GAK: variants seen among roughly 807,000 people sequenced by gnomAD.
GAK encodes cyclin G associated kinase, also known as cyclin-G-associated kinase.
In GAK, 79 loss-of-function variants were observed where a neutral mutation model predicts 143.9. The observed-to-expected ratio is 0.55, with a 90% confidence interval of 0.46 to 0.66. The LOEUF is 0.66. Ranked by LOEUF, GAK falls within the 30% of genes least tolerant of loss-of-function variation. The pLI is 0.00. For missense variants in GAK, 1,693 were observed against 1,779.7 expected (o/e 0.95, Z 0.88); for synonymous variants, 881 against 765.5 (o/e 1.15, Z -2.49).
In GAK at chr4:858,504, C is replaced by A. The variant is rs567942062; in HGVS notation, c.3283+1102G>T. The stretch of plus-strand genomic sequence containing the variant: ...CCTCCCGAGGGCACGGCCCTCGCAA[C>A]CCCACCGTGCTCTCAGACAACACAA... On this transcript the variant is annotated intron_variant, in intron 24 of 27. Coordinates refer to ENST00000314167, the MANE Select transcript of GAK (RefSeq NM_005255.4). Among the ~76,000 whole-genome samples, 7 of 152,340 alleles carry A rather than the reference C, an allele frequency of 4.6e-5. No individual in the cohort carries two copies. The South Asian group carries it at 1.4e-3, about 32-fold the overall frequency.
rs767575711 is a variant in GAK, at chr4:904,796, C to G, written c.383-17G>C. 1.8e-5 allele frequency: 29 copies of G among 1,612,360 alleles called. No homozygotes were observed. Among genetic ancestry groups the G allele is most frequent in the Middle Eastern group, 3.3e-4 (2 of 6,078 alleles). On this transcript the variant is annotated splice_polypyrimidine_tract_variant and intron_variant, in intron 4 of 27. Transcript: ENST00000314167. ...CCAGCTGCCCTAAAAGAGAATGAAACTCACATGGAGGCAGGAGAACAGGGT... is the reference window on the plus strand; with the variant it reads ...CCAGCTGCCCTAAAAGAGAATGAAAGTCACATGGAGGCAGGAGAACAGGGT...
intron 15 of GAK, among the ~76,000 whole-genome samples, chr4:879,848 T>C (rs1714735638): frequency 6.6e-6 from 1 of 152,230 alleles, no homozygotes; most frequent in Non-Finnish European, 1.5e-5. Context: ...TACCCCACGC[T>C]TTCTCTCTGT....
intron 5 of GAK, among the ~76,000 whole-genome samples, chr4:903,896 G>C (rs1349774703): frequency 6.6e-6 from 1 of 152,262 alleles, no homozygotes; most frequent in Non-Finnish European, 1.5e-5. Context: ...AAGGCCCCCA[G>C]CAGGGAGGCG....
intron 24 of GAK, 197 bp from the exon 25 acceptor site, chr4:852,171 TG>T (rs1748284886): frequency 1.6e-6 from 1 of 623,892 alleles, no homozygotes; most frequent in Admixed American, 2.5e-5. Flanking sequence ...GGCCAGGTGC[TG>T]GGGCGACGGG....
intron 24 of GAK, chr4:859,253 C>T (rs1040446250): frequency 9.9e-6 from 12 of 1,213,480 alleles, no homozygotes; most frequent in Middle Eastern, 3.7e-4. Flanking sequence ...TAGCACGCTC[C>T]GAGCACAGCC....
At chr4:911,217 C>T (rs1480535004) in intron 4 of GAK, among the ~76,000 whole-genome samples, 1 of 152,130 alleles carries the variant, frequency 6.6e-6, no homozygotes, top group Non-Finnish European at 1.5e-5. Flanking sequence ...CTTGCCAGGA[C>T]CCCAGAGCCC....
At chr4:899,347 C>T (rs1002712317) in intron 5 of GAK, among the ~76,000 whole-genome samples, 3 of 152,152 alleles carry the variant, frequency 2.0e-5, no homozygotes, top group Non-Finnish European at 2.9e-5. Context: ...AAGAACAATG[C>T]CAGCACAGGG....
chr4:923,546 G>A (rs923348752), intron 1 of GAK, among the ~76,000 whole-genome samples: 1 of 152,018 alleles, frequency 6.6e-6, no homozygotes, highest in Admixed American at 6.6e-5. Flanking sequence ...GTGGTGGTGC[G>A]TGCCTGTGGT....
chr4:932,278 G>A lies in GAK; in HGVS notation c.-91C>T. 1.4e-6 allele frequency: 2 copies of A among 1,409,156 alleles called. No homozygotes were observed. The highest frequency in any genetic ancestry group is 1.5e-5 in the African/African-American group (1 of 66,152). 87.3% of individuals were successfully genotyped at this position (1,409,156 alleles called of 1,614,324 possible). On this transcript the variant is annotated 5_prime_UTR_variant, in exon 1 of 28. Coordinates refer to ENST00000314167, the MANE Select transcript of GAK (RefSeq NM_005255.4). The surrounding 1 kb of genome is among the most constrained non-coding windows in gnomAD (Gnocchi z 4.0). ...GTCCGGGTCAGCTCAGCAACCGCCG[G>A]CCCGGAGGTGCACCATCTTCCGCCT...
In GAK at chr4:883,349, G is replaced by A. The variant is rs751108615; in HGVS notation, c.1370C>T (p.Pro457Leu). Reference protein sequence around the residue: ...PGHYAVYNLSPRTYRPSRFHN... With the variant: ...PGHYAVYNLSLRTYRPSRFHN... ...GAACCTGGAGGGCCGGTAGGTCCTC[G>A]GGGACAGGTTGTAGACGGCATAGTG... Residue 457 changes from proline (P) to leucine (L), a missense_variant, in exon 13 of 28, where the codon CCG (proline) becomes CTG (leucine). Pro to Leu is a moderately conservative substitution (Grantham distance 98, BLOSUM62 -3). Around this residue, in one of 2 missense-constraint regions of GAK, gnomAD observed 871 missense variants for 991.0 expected, o/e 0.88. Transcript: ENST00000314167. 3.3e-5 allele frequency: 54 copies of A among 1,613,482 alleles called. No individual in the cohort carries two copies. Among genetic ancestry groups the A allele is most frequent in the Admixed American group, 3.0e-4 (18 of 60,000 alleles).
chr4:881,487 G>T (rs748243663), intron 15 of GAK, among the ~76,000 whole-genome samples: 1 of 152,200 alleles, frequency 6.6e-6, no homozygotes, highest in Non-Finnish European at 1.5e-5. Context: ...CGCTGAGGTG[G>T]AGCGGCACAG....
chr4:903,227 G>A (rs891085302), intron 5 of GAK, among the ~76,000 whole-genome samples: 6 of 150,654 alleles, frequency 4.0e-5, no homozygotes, highest in African/African-American at 9.9e-5. Context: ...TGGGCAGGAC[G>A]GCCCTTTTAC....
chr4:890,542 G>A lies in GAK; in HGVS notation c.1071C>T (p.Gly357=). Reference sequence around the variant, plus strand: ...GGACAGGGCACTCACCTCCACTGTAGCCACTGCCAGCGGGGCCCACGGGAG... The same window carrying A: ...GGACAGGGCACTCACCTCCACTGTAACCACTGCCAGCGGGGCCCACGGGAG... ...PPPPVGPAGS[G]YSGGLALAEY... Residue 357 remains glycine, a synonymous_variant, in exon 10 of 28, where the codon GGC becomes GGT. Coordinates refer to ENST00000314167, the MANE Select transcript of GAK (RefSeq NM_005255.4). 6.2e-7 allele frequency: 1 copy of A among 1,608,334 alleles called. No individual in the cohort carries two copies. The highest frequency in any genetic ancestry group is 8.5e-7 in the Non-Finnish European group (1 of 1,177,696).
At chr4:912,331 G>A in intron 3 of GAK, 1 of 368,538 alleles carries the variant, frequency 2.7e-6, no homozygotes, top group Non-Finnish European at 5.5e-6. Context: ...GCCTGAGAAG[G>A]GACGAGAGGG....
intron 4 of GAK, among the ~76,000 whole-genome samples, chr4:908,113 G>A (rs954504381): frequency 6.6e-6 from 1 of 152,144 alleles, no homozygotes; most frequent in African/African-American, 2.4e-5. Context: ...TTTACCCCTC[G>A]CAAAGGCTTT....
chr4:901,391 G>A (rs909585144), intron 5 of GAK, among the ~76,000 whole-genome samples: 7 of 151,792 alleles, frequency 4.6e-5, no homozygotes, highest in East Asian at 1.9e-4. Flanking sequence ...CGGGGCACAC[G>A]TGGAGAGCCA....
In GAK at chr4:885,103, C is replaced by T. The variant is rs1307029520; in HGVS notation, c.1206-1017G>A. ...GATGCGGGTCTTCCGTGCGTTCAAA[C>T]GTTTTAAAAGGCGTCTAAACCCACC... On this transcript the variant is annotated intron_variant, in intron 11 of 27. Transcript: ENST00000314167. Among the ~76,000 whole-genome samples the T allele has an allele frequency of 2.0e-5, 3 of 151,652 alleles. No homozygotes were observed. In the East Asian group the frequency reaches 5.8e-4, roughly 29 times the overall value.
chr4:911,018 C>T (rs752805391), intron 4 of GAK, among the ~76,000 whole-genome samples: 13 of 152,054 alleles, frequency 8.5e-5, no homozygotes, highest in Admixed American at 3.9e-4. Context: ...CGACATCCCC[C>T]GCAGTCACTC....
intron 18 of GAK, among the ~76,000 whole-genome samples, chr4:873,888 G>A (rs920153532): frequency 6.6e-6 from 1 of 152,222 alleles, no homozygotes; most frequent in African/African-American, 2.4e-5. Context: ...CACCTTCAAT[G>A]GGATGACTGA....
Sources: allele counts gnomAD v4.1 joint callset (sites outside exome capture counted in the v4.1 genomes callset), GRCh38; gene constraint gnomAD v4.1.1; regional missense constraint gnomAD v4.1.1; non-coding constraint Gnocchi (gnomAD v3.1); transcripts MANE v1.5; gene names NCBI Gene and HGNC (gene_info 2026-07-23, HGNC 2026-07-21).